The following BUB1 variants were observed in gnomAD, a reference collection of about 807,000 sequenced individuals.
The protein encoded by BUB1 is mitotic checkpoint serine/threonine-protein kinase BUB1.
BUB1 carries 84 observed loss-of-function variants against 135.2 expected under a neutral mutation model. The observed-to-expected ratio is 0.62, with a 90% CI of 0.52 to 0.74. The LOEUF is 0.74. Ranked by LOEUF, BUB1 falls within the 30% of genes least tolerant of loss-of-function variation. The pLI is 0.00. For missense variants in BUB1, 1,162 were observed against 1,288.3 expected (o/e 0.90, Z 1.50); for synonymous variants, 403 against 434.4 (o/e 0.93, Z 0.90).
intron 19 of BUB1, chr2:110,642,576 T>A (rs1226787005): frequency 6.2e-6 from 1 of 161,914 alleles, no homozygotes; most frequent in South Asian, 1.8e-4. Context: ...TTCCAAAGAG[T>A]ACTAGTCAGG....
At chr2:110,650,100 G>A (rs899503236) in intron 18 of BUB1, among the ~76,000 whole-genome samples, 7 of 147,744 alleles carry the variant, frequency 4.7e-5, no homozygotes, top group African/African-American at 7.5e-5. Context: ...TCAAGATCAC[G>A]TGACTACTTA....
chr2:110,668,609 T>C (rs1407229039), intron 6 of BUB1, among the ~76,000 whole-genome samples: 3 of 152,096 alleles, frequency 2.0e-5, no homozygotes, highest in Non-Finnish European at 2.9e-5. Context: ...ATGGGAAACA[T>C]AGTTGGGAAA....
At chr2:110,662,375 C>G (rs58859153) in intron 9 of BUB1, among the ~76,000 whole-genome samples, 1 of 152,162 alleles carries the variant, frequency 6.6e-6, no homozygotes, top group African/African-American at 2.4e-5. Flanking sequence ...GGAAGCATAA[C>G]AAGCTCTAAA....
intron 6 of BUB1, among the ~76,000 whole-genome samples, chr2:110,668,206 A>T (rs1690318465): frequency 6.7e-6 from 1 of 150,162 alleles, no homozygotes; most frequent in African/African-American, 2.4e-5. Context: ...ACTGCTGCTA[A>T]TTTTTTTTTT....
rs771265009 is a variant in BUB1, at chr2:110,667,828, T to A, written c.589A>T (p.Ile197Leu). The A allele has an allele frequency of 3.1e-6, 5 of 1,613,426 alleles. No homozygotes were observed. Among genetic ancestry groups the A allele is most frequent in the Non-Finnish European group, 4.2e-6 (5 of 1,179,908 alleles). Residue 197 changes from isoleucine to leucine, a missense_variant, in exon 7 of 25, where the codon ATA becomes TTA. Ile to Leu is a conservative substitution (Grantham distance 5). Coordinates refer to ENST00000302759, the MANE Select transcript of BUB1 (RefSeq NM_004336.5). The stretch of plus-strand genomic sequence containing the variant: ...GACTCTTTATCACAAGCTGAAGATA[T>A]CACTCCAGAAAGCTCTGAACCCTAA... ...KNQGSELSGV[I>L]SSACDKESNM...
rs1690458075 is a variant in BUB1 at position 110,672,813 on chromosome 2, G to A, written c.270C>T (p.Tyr90=). The A allele has an allele frequency of 6.2e-7, 1 of 1,609,720 alleles. No individual in the cohort carries two copies. Among genetic ancestry groups the A allele is most frequent in the African/African-American group, 1.3e-5 (1 of 74,666 alleles). The stretch of plus-strand genomic sequence containing the variant: ...ATGACAGGGTTCCAATCCCATGGTT[G>A]TACAGAAACTCAAAAAATTGATGGA... The part of the protein sequence containing the change: ...SDLHQFFEFL[Y]NHGIGTLSSP... Residue 90 remains tyrosine, a synonymous_variant, in exon 4 of 25, where the codon TAC becomes TAT. Transcript: ENST00000302759.
chr2:110,676,020 A>G (rs1325932198), intron 1 of BUB1, among the ~76,000 whole-genome samples: 7 of 152,196 alleles, frequency 4.6e-5, no homozygotes, highest in African/African-American at 1.7e-4. Flanking sequence ...TATGACTCAA[A>G]ATCCAGAAGC....
rs1360930512 is a variant in BUB1 at position 110,658,703 on chromosome 2, T to G, written c.1316A>C (p.His439Pro). The G allele has an allele frequency of 6.2e-7, 1 of 1,614,182 alleles. No individual in the cohort carries two copies. Among genetic ancestry groups the G allele is most frequent in the South Asian group, 1.1e-5 (1 of 91,084 alleles). Residue 439 changes from histidine (H) to proline (P), a missense_variant, in exon 12 of 25, where the codon CAC becomes CCC. Coordinates refer to ENST00000302759, the MANE Select transcript of BUB1 (RefSeq NM_004336.5). ...TCCCAGTGATGTGTTTGGAGTTGTG[T>G]GAAAAGAACTTGTGTTGGCAACCTT... ...THKVANTSSF[H>P]TTPNTSLGMV...
intron 17 of BUB1, among the ~76,000 whole-genome samples, chr2:110,652,032 G>T (rs1689800855): frequency 6.7e-6 from 1 of 150,108 alleles, no homozygotes; most frequent in South Asian, 2.1e-4. Flanking sequence ...GACTGTACAT[G>T]GAAGTATATG....
chr2:110,668,426 T>C (rs1057286854), intron 6 of BUB1, among the ~76,000 whole-genome samples: 1 of 152,094 alleles, frequency 6.6e-6, no homozygotes, highest in Non-Finnish European at 1.5e-5. Context: ...AAAATGTAAA[T>C]TGGGACAAGC....
intron 14 of BUB1, among the ~76,000 whole-genome samples, 185 bp from the exon 15 acceptor site, chr2:110,657,302 T>C (rs1461053151): frequency 6.6e-6 from 1 of 152,194 alleles, no homozygotes. Flanking sequence ...CTTATAAAAG[T>C]AGACCTATCA....
In BUB1 at chr2:110,655,720, A is replaced by G. The variant is rs762356508; in HGVS notation, c.1876+19T>C. Reference sequence around the variant, plus strand: ...TCAAAGTTGGCAGAAGACAGACACTAAAACAGTGTAACACACACCTTTATC... The same window carrying G: ...TCAAAGTTGGCAGAAGACAGACACTGAAACAGTGTAACACACACCTTTATC... On this transcript the variant is annotated intron_variant, in intron 16 of 24. Coordinates refer to ENST00000302759, the MANE Select transcript of BUB1 (RefSeq NM_004336.5). 6.3e-7 allele frequency: 1 copy of G among 1,575,796 alleles called. No individual in the cohort carries two copies. Among genetic ancestry groups the G allele is most frequent in the Non-Finnish European group, 8.7e-7 (1 of 1,153,012 alleles).
intron 8 of BUB1, among the ~76,000 whole-genome samples, chr2:110,667,283 A>T (rs1559173469): frequency 6.6e-6 from 1 of 152,154 alleles, no homozygotes; most frequent in Admixed American, 6.5e-5. Flanking sequence ...TGGCTGCTAC[A>T]CTAGTGGTTA....
intron 19 of BUB1, among the ~76,000 whole-genome samples, chr2:110,646,388 C>T (rs1043109188): frequency 1.1e-4 from 16 of 149,062 alleles, no homozygotes; most frequent in Admixed American, 2.0e-4. Context: ...CAGGGAGGGA[C>T]GGGAAGGGGC....
chr2:110,641,296 A>G lies in BUB1; in HGVS notation c.2783+11T>C. The G allele has an allele frequency of 1.2e-6, 2 of 1,602,954 alleles. No individual in the cohort carries two copies. Among genetic ancestry groups the G allele is most frequent in the Non-Finnish European group, 1.7e-6 (2 of 1,174,284 alleles). ...GGAAGAGAAGAACCCTGTTAAAAGC[A>G]TAACACTTGCCCGTTTCCAAGTATG... On this transcript the variant is annotated intron_variant, in intron 22 of 24. Transcript: ENST00000302759.
At chr2:110,665,514 G>C (rs903213173) in intron 9 of BUB1, among the ~76,000 whole-genome samples, 1 of 151,532 alleles carries the variant, frequency 6.6e-6, no homozygotes, top group African/African-American at 2.4e-5. Context: ...CTGCACTCTA[G>C]CATGGGTGAC....
At chr2:110,668,008 T>C (rs1690311768) in intron 6 of BUB1, among the ~76,000 whole-genome samples, 159 bp from the exon 7 acceptor site, 1 of 152,140 alleles carries the variant, frequency 6.6e-6, no homozygotes, top group African/African-American at 2.4e-5. Flanking sequence ...CAAAAGATTG[T>C]TTGTATCAAC....
intron 19 of BUB1, among the ~76,000 whole-genome samples, chr2:110,646,582 CAA>C (rs1689653290): frequency 6.6e-6 from 1 of 151,994 alleles, no homozygotes; most frequent in African/African-American, 2.4e-5. Flanking sequence ...AACATTTTAC[CAA>C]ATTTAAAAGA....
intron 17 of BUB1, among the ~76,000 whole-genome samples, chr2:110,651,405 T>G (rs1438541984): frequency 6.6e-6 from 1 of 152,210 alleles, no homozygotes; most frequent in Non-Finnish European, 1.5e-5. Context: ...AAAAATTTTT[T>G]TAATGCTTAT....
Sources: allele counts gnomAD v4.1 joint callset (sites outside exome capture counted in the v4.1 genomes callset), GRCh38; gene constraint gnomAD v4.1.1; transcripts MANE v1.5; gene names NCBI Gene and HGNC (gene_info 2026-07-23, HGNC 2026-07-21).